RAD21: variants seen among roughly 807,000 people sequenced by gnomAD.
RAD21 encodes RAD21 cohesin complex component.
Under a neutral mutation model 71.5 loss-of-function variants are expected in RAD21, and 18 were observed. The ratio of observed to expected loss-of-function variants is 0.25; its 90% CI spans 0.17 to 0.37. The LOEUF (loss-of-function observed/expected upper bound fraction) is 0.37, where lower values mean the gene tolerates loss of function less well. Among genes scored for constraint, RAD21 ranks in the 10% least tolerant of loss-of-function variants. RAD21 has a pLI of 1.00. For synonymous variants in RAD21, 248 were observed against 254.0 expected (o/e 0.98, Z 0.22); for missense variants, 493 against 769.1 (o/e 0.64, Z 4.25).
At chr8:116,872,289 G>C (rs1812839213) in intron 1 of RAD21, among the ~76,000 whole-genome samples, 1 of 152,128 alleles carries the variant, frequency 6.6e-6, no homozygotes, top group African/African-American at 2.4e-5. Flanking sequence ...AATATCAAGG[G>C]ACAATTGTAC....
chr8:116,854,802 G>A (rs1586266531), intron 8 of RAD21, among the ~76,000 whole-genome samples: 3 of 152,208 alleles, frequency 2.0e-5, no homozygotes. Context: ...TCAGAGTTGG[G>A]CTCATTTTCT....
At chr8:116,871,885 T>C (rs1812828750) in intron 1 of RAD21, among the ~76,000 whole-genome samples, 1 of 152,196 alleles carries the variant, frequency 6.6e-6, no homozygotes, top group South Asian at 2.1e-4. Flanking sequence ...GAATCCACAC[T>C]TCTAACTACA....
chr8:116,845,941 T>A lies in RAD21; in HGVS notation c.*1559A>T, dbSNP rs1271865224. On this transcript the variant is annotated 3_prime_UTR_variant, in exon 14 of 14. Coordinates refer to ENST00000297338, the MANE Select transcript of RAD21 (RefSeq NM_006265.3). ...AATGAATACTCAAAAAAGTACAGCT[T>A]ATAACACAACTTTTATTAGAAAAGT... 4.5e-6 allele frequency: 1 copy of A among 222,110 alleles called. No homozygotes were observed. The highest frequency in any genetic ancestry group is 9.0e-6 in the Non-Finnish European group (1 of 110,990). 13.8% of individuals were successfully genotyped at this position (222,110 alleles called of 1,614,324 possible).
chr8:116,869,240 A>G (rs1392136942), intron 1 of RAD21, among the ~76,000 whole-genome samples: 1 of 152,224 alleles, frequency 6.6e-6, no homozygotes, highest in African/African-American at 2.4e-5. Context: ...GAATATGTAA[A>G]GAATTCTTAA....
rs1049802897 is a variant in RAD21, at chr8:116,858,556, T to C, written c.375-98A>G. ...AAGAAAAATTAAAAAAATATATATG[T>C]ATAACCCACCAAGTTTTAGAAGCCT... On this transcript the variant is annotated intron_variant, in intron 4 of 13. Coordinates refer to ENST00000297338, the MANE Select transcript of RAD21 (RefSeq NM_006265.3). The C allele has an allele frequency of 1.2e-5, 10 of 850,526 alleles. No individual in the cohort carries two copies. The East Asian group carries it at 2.7e-4, about 23-fold the overall frequency. 52.7% of individuals were successfully genotyped at this position (850,526 alleles called of 1,614,324 possible). A position where few individuals can be genotyped will look rare whatever the true frequency, so the allele number is the denominator to read the frequency against.
intron 12 of RAD21, 41 bp from the exon 13 acceptor site, chr8:116,849,070 C>T (rs767068233): frequency 2.1e-6 from 3 of 1,448,532 alleles, no homozygotes; most frequent in South Asian, 2.8e-5. Context: ...AAAACAAGTC[C>T]AATGAAAAAT....
Position 116,851,957 on chromosome 8 carries a change from A to T in RAD21, c.1461T>A (p.Pro487=). The change falls in exon 11 of 14, where the codon CCT becomes CCA. Residue 487 remains proline, a synonymous_variant. Coordinates refer to ENST00000297338, the MANE Select transcript of RAD21 (RefSeq NM_006265.3). Reference sequence around the variant, plus strand: ...AGATTTGCTTACTTACAGGCATCACAGGCTCTGGGTCAATTTGTCCAGCTT... The same window carrying T: ...AGATTTGCTTACTTACAGGCATCACTGGCTCTGGGTCAATTTGTCCAGCTT... The part of the protein sequence containing the change: ...KRKAGQIDPE[P]VMPPQQVEQM... The T allele has an allele frequency of 6.2e-7, 1 of 1,607,232 alleles. No individual in the cohort carries two copies. Among genetic ancestry groups the T allele is most frequent in the Non-Finnish European group, 8.5e-7 (1 of 1,175,026 alleles).
Position 116,858,885 on chromosome 8 carries a change from A to G in RAD21, c.375-427T>C, listed in dbSNP as rs570911991. Among the ~76,000 whole-genome samples, 29 of 152,152 alleles carry G rather than the reference A, an allele frequency of 1.9e-4. No homozygotes were observed. In the South Asian group the frequency reaches 6.0e-3, roughly 32 times the overall value. ...AGTTTAAAAATACTAAATAAAAAAT[A>G]AAAAGTATGTAATGCTAAACACCAA... On this transcript the variant is annotated intron_variant, in intron 4 of 13. Coordinates refer to ENST00000297338, the MANE Select transcript of RAD21 (RefSeq NM_006265.3).
intron 11 of RAD21, chr8:116,851,680 G>A: frequency 3.4e-6 from 1 of 293,608 alleles, no homozygotes; most frequent in Non-Finnish European, 6.3e-6. Context: ...TAATAAATCA[G>A]AACCAACTTC....
chr8:116,850,396 C>T (rs1333727541), intron 12 of RAD21, among the ~76,000 whole-genome samples: 5 of 152,152 alleles, frequency 3.3e-5, no homozygotes, highest in Non-Finnish European at 5.9e-5. Flanking sequence ...ATTCCATGTC[C>T]TTCAAAACCC....
chr8:116,862,042 G>C, intron 3 of RAD21, 102 bp from the exon 4 acceptor site: 1 of 876,740 alleles, frequency 1.1e-6, no homozygotes, highest in Non-Finnish European at 1.8e-6. Context: ...TATTCTCATA[G>C]AAAGGTTGAT....
intron 10 of RAD21, 117 bp from the exon 11 acceptor site, chr8:116,852,213 A>G (rs1221404140): frequency 3.0e-6 from 3 of 1,004,128 alleles, no homozygotes; most frequent in East Asian, 2.7e-5. Context: ...TTTAATGAAG[A>G]AGGCCAGATA....
chr8:116,869,926 C>T (rs1812775628), intron 1 of RAD21, among the ~76,000 whole-genome samples: 1 of 152,084 alleles, frequency 6.6e-6, no homozygotes, highest in Admixed American at 6.5e-5. Context: ...TAAAAATGTG[C>T]CAATTCTTTC....
chr8:116,847,989 A>G (rs1342426766), intron 13 of RAD21, among the ~76,000 whole-genome samples: 1 of 152,122 alleles, frequency 6.6e-6, no homozygotes, highest in Non-Finnish European at 1.5e-5. Flanking sequence ...TTGCCATGTG[A>G]CACACCTGCT....
intron 4 of RAD21, among the ~76,000 whole-genome samples, chr8:116,860,926 G>A (rs1812579867): frequency 6.6e-6 from 1 of 152,024 alleles, no homozygotes; most frequent in African/African-American, 2.4e-5. Flanking sequence ...GAGGTAAGCT[G>A]GGGAAACAGA....
At chr8:116,850,030 A>C (rs1016828875) in intron 12 of RAD21, among the ~76,000 whole-genome samples, 12 of 152,164 alleles carry the variant, frequency 7.9e-5, no homozygotes, top group Admixed American at 7.9e-4. Flanking sequence ...ATGATCCAGA[A>C]ATTAGGAAGA....
chr8:116,864,995 CT>C (rs1320338433), intron 2 of RAD21, among the ~76,000 whole-genome samples: 41 of 152,084 alleles, frequency 2.7e-4, no homozygotes, highest in African/African-American at 9.2e-4. Flanking sequence ...GACACTTATG[CT>C]AAACAACTAA....
chr8:116,861,712 C>G, intron 4 of RAD21, 129 bp downstream of exon 4: 1 of 582,370 alleles, frequency 1.7e-6, no homozygotes, highest in Non-Finnish European at 3.0e-6. Context: ...ATATACTATC[C>G]TATATAAATA....
rs1051321465 is a variant in RAD21, at chr8:116,852,069, C to T, written c.1349G>A (p.Arg450His). 6.8e-6 allele frequency: 11 copies of T among 1,608,560 alleles called. No homozygotes were observed. In the Admixed American group the frequency reaches 1.7e-4, roughly 24 times the overall value. The change falls in exon 11 of 14, where the codon CGC (arginine) becomes CAC (histidine). Residue 450 changes from arginine (R) to histidine (H), a missense_variant. Coordinates refer to ENST00000297338, the MANE Select transcript of RAD21 (RefSeq NM_006265.3). Reference sequence around the variant, plus strand: ...GGCCTCCATCACTGACTCCTGGAGGCGGCTTGGCTCTTCAATAATGGGCTC... The same window carrying T: ...GGCCTCCATCACTGACTCCTGGAGGTGGCTTGGCTCTTCAATAATGGGCTC... Reference protein sequence around the residue: ...IDEPIIEEPSRLQESVMEASR... With the variant: ...IDEPIIEEPSHLQESVMEASR...
Sources: allele counts gnomAD v4.1 joint callset (sites outside exome capture counted in the v4.1 genomes callset), GRCh38; gene constraint gnomAD v4.1.1; transcripts MANE v1.5; gene names NCBI Gene and HGNC (gene_info 2026-07-23, HGNC 2026-07-21).